TMEM131L: variants seen among roughly 807,000 people sequenced by gnomAD.
TMEM131L encodes the protein transmembrane 131 like.
Under a neutral mutation model 192.2 loss-of-function variants are expected in TMEM131L, and 54 were observed. That is an observed-to-expected ratio of 0.28 (90% CI 0.23 to 0.35). The LOEUF (loss-of-function observed/expected upper bound fraction) is 0.35, where lower values mean the gene tolerates loss of function less well. Among genes scored for constraint, TMEM131L ranks in the 10% least tolerant of loss-of-function variants. TMEM131L has a pLI of 1.00. For missense variants in TMEM131L, 1,888 were observed against 1,972.9 expected (o/e 0.96, Z 0.82); for synonymous variants, 701 against 704.9 (o/e 0.99, Z 0.09).
chr4:153,564,287 CAA>C (rs1178320668), intron 7 of TMEM131L, among the ~76,000 whole-genome samples: 339 of 17,606 alleles, frequency 0.019, 1 homozygote, highest in African/African-American at 0.042. Context: ...AACTCCGTCT[CAA>C]AAAAAAAAAA....
In TMEM131L at chr4:153,504,256, C is replaced by T. The variant is rs147708269; in HGVS notation, c.239+30368C>T. Among the ~76,000 whole-genome samples, 946 of 139,978 alleles carry T rather than the reference C, an allele frequency of 6.8e-3. 3 individuals carry two copies. Among genetic ancestry groups the T allele is most frequent in the Middle Eastern group, 0.045 (10 of 222 alleles). 91.8% of individuals were successfully genotyped at this position (139,978 alleles called of 152,430 possible). A position where few individuals can be genotyped will look rare whatever the true frequency, so the allele number is the denominator to read the frequency against. Reference sequence around the variant, plus strand: ...TGCTGGGATTACGGGCGTGAGCCACCGCGGTCGGCCTTTTTTTTTTTTTTT... The same window carrying T: ...TGCTGGGATTACGGGCGTGAGCCACTGCGGTCGGCCTTTTTTTTTTTTTTT... On this transcript the variant is annotated intron_variant, in intron 3 of 34. Coordinates refer to ENST00000409959, the MANE Select transcript of TMEM131L (RefSeq NM_001131007.2).
Position 153,634,234 on chromosome 4 carries a change from C to T in TMEM131L, c.4371C>T (p.Ser1457=), listed in dbSNP as rs765748440. The change falls in exon 33 of 35, where the codon AGC becomes AGT. Residue 1457 remains serine (S), a synonymous_variant. Coordinates refer to ENST00000409959, the MANE Select transcript of TMEM131L (RefSeq NM_001131007.2). ...CAACATGCGAAGGCCAGTTTTCCAGCGCATACTGTCCATTGGAATTGAACG... is the reference window on the plus strand; with the variant it reads ...CAACATGCGAAGGCCAGTTTTCCAGTGCATACTGTCCATTGGAATTGAACG... ...WSATCEGQFS[S]AYCPLELNDY... 2.0e-5 allele frequency: 33 copies of T among 1,614,084 alleles called. No homozygotes were observed. Among genetic ancestry groups the T allele is most frequent in the Admixed American group, 3.3e-5 (2 of 60,018 alleles).
intron 9 of TMEM131L, among the ~76,000 whole-genome samples, chr4:153,581,932 G>C (rs1730366257): frequency 6.6e-6 from 1 of 152,170 alleles, no homozygotes; most frequent in African/African-American, 2.4e-5. Flanking sequence ...ATGCTGTTTT[G>C]TATTTTAAAT....
intron 19 of TMEM131L, among the ~76,000 whole-genome samples, chr4:153,594,472 A>G (rs1052433652): frequency 6.6e-6 from 1 of 152,188 alleles, no homozygotes; most frequent in Admixed American, 6.5e-5. Context: ...TTCCGTGGCT[A>G]TTTATATACA....
At chr4:153,473,996 G>A (rs1201356328) in intron 3 of TMEM131L, 108 bp downstream of exon 3, 14 of 624,874 alleles carry the variant, frequency 2.2e-5, no homozygotes, top group East Asian at 3.3e-5. Flanking sequence ...AGTAGTATCT[G>A]TAATACACCT....
intron 4 of TMEM131L, among the ~76,000 whole-genome samples, chr4:153,552,748 C>T (rs1737720294): frequency 6.6e-6 from 1 of 152,066 alleles, no homozygotes; most frequent in South Asian, 2.1e-4. Context: ...GCAGGAGGAT[C>T]ACTTGAGTCC....
intron 3 of TMEM131L, among the ~76,000 whole-genome samples, chr4:153,540,302 G>A (rs564613856): frequency 2.6e-5 from 4 of 151,982 alleles, no homozygotes; most frequent in Non-Finnish European, 5.9e-5. Context: ...TCTGTGATCT[G>A]TATGCCTTAA....
At chr4:153,486,428 A>C (rs1053334379) in intron 3 of TMEM131L, among the ~76,000 whole-genome samples, 1 of 152,240 alleles carries the variant, frequency 6.6e-6, no homozygotes, top group Admixed American at 6.5e-5. Context: ...TTTCAGCAGC[A>C]AGTAACAAAA....
chr4:153,622,102 G>A (rs1380153229), intron 28 of TMEM131L, among the ~76,000 whole-genome samples: 1 of 152,196 alleles, frequency 6.6e-6, no homozygotes, highest in African/African-American at 2.4e-5. Context: ...GCATATTGCT[G>A]AAGGAATGAT....
chr4:153,524,140 T>G (rs1391664036), intron 3 of TMEM131L, among the ~76,000 whole-genome samples: 2 of 151,370 alleles, frequency 1.3e-5, no homozygotes, highest in Non-Finnish European at 3.0e-5. Context: ...TGTTTTTTTT[T>G]TTTTTTTTTT....
At chr4:153,602,850 T>C in intron 23 of TMEM131L, 123 bp downstream of exon 23, 3 of 845,248 alleles carry the variant, frequency 3.5e-6, no homozygotes, top group South Asian at 3.3e-5. Flanking sequence ...TTGTTACTGC[T>C]TCAAGAACTG....
intron 3 of TMEM131L, among the ~76,000 whole-genome samples, chr4:153,496,620 A>G (rs1402140694): frequency 1.3e-5 from 2 of 152,168 alleles, no homozygotes; most frequent in Non-Finnish European, 2.9e-5. Context: ...GTGTGGTGGC[A>G]TGATCCTGGC....
intron 3 of TMEM131L, among the ~76,000 whole-genome samples, chr4:153,520,921 C>T (rs984288566): frequency 8.5e-5 from 13 of 152,186 alleles, no homozygotes; most frequent in African/African-American, 2.4e-4. Context: ...TCTTTGGATC[C>T]TTTACTTCCT....
chr4:153,545,903 A>G (rs1396607267), intron 3 of TMEM131L, among the ~76,000 whole-genome samples: 1 of 151,972 alleles, frequency 6.6e-6, no homozygotes, highest in Non-Finnish European at 1.5e-5. Flanking sequence ...ATAGAAGCAA[A>G]ATGGCCCCTT....
At chr4:153,541,293 G>C (rs1289672102) in intron 3 of TMEM131L, among the ~76,000 whole-genome samples, 1 of 152,204 alleles carries the variant, frequency 6.6e-6, no homozygotes, top group Non-Finnish European at 1.5e-5. Flanking sequence ...GTGGAATGTG[G>C]TAAGAGTAAA....
intron 31 of TMEM131L, among the ~76,000 whole-genome samples, chr4:153,630,654 A>G (rs890790503): frequency 6.6e-6 from 1 of 152,248 alleles, no homozygotes; most frequent in Admixed American, 6.5e-5. Flanking sequence ...CATACCAGCC[A>G]TTTCTAACTG....
chr4:153,598,760 A>G, intron 21 of TMEM131L, 28 bp downstream of exon 21: 1 of 1,516,118 alleles, frequency 6.6e-7, no homozygotes, highest in Non-Finnish European at 8.9e-7. Flanking sequence ...GCACTCTGAC[A>G]GGGGAGGTTG....
rs148369229 is a variant in TMEM131L, at chr4:153,603,889, C to G, written c.2877C>G (p.Ser959Arg). 2.4e-5 allele frequency: 39 copies of G among 1,614,114 alleles called. No individual in the cohort carries two copies. The African/African-American group carries it at 4.5e-4, about 19-fold the overall frequency. ...KNCLPVNTPQ[S>R]RIQNAAKRSP... ...GCCTTCCAGTGAACACTCCCCAAAG[C>G]AGGATCCAGAATGCTGCAAAGAGGA... The change falls in exon 25 of 35, where the codon AGC becomes AGG. Residue 959 changes from serine to arginine, a missense_variant. Coordinates refer to ENST00000409959, the MANE Select transcript of TMEM131L (RefSeq NM_001131007.2).
chr4:153,517,396 C>G (rs776559545), intron 3 of TMEM131L, among the ~76,000 whole-genome samples: 1 of 152,138 alleles, frequency 6.6e-6, no homozygotes, highest in African/African-American at 2.4e-5. Flanking sequence ...TTACAAGGCC[C>G]TGGGCGGGTT....
Sources: gnomAD v4.1 joint callset for allele counts (sites outside exome capture counted in the v4.1 genomes callset) on GRCh38, gnomAD v4.1.1 for gene constraint, MANE v1.5 for transcripts, NCBI Gene and HGNC (gene_info 2026-07-23, HGNC 2026-07-21) for gene names.